The following RETREG3 variants were observed in gnomAD, a reference collection of about 807,000 sequenced individuals.
The protein encoded by RETREG3 is reticulophagy regulator family member 3.
In RETREG3, 23 loss-of-function variants were observed where a neutral mutation model predicts 50.2. That is an observed-to-expected ratio of 0.46 (90% CI 0.33 to 0.65). The LOEUF is 0.65. RETREG3 is among the 30% of genes least tolerant of loss of function. RETREG3 has a pLI of 0.02. For missense variants in RETREG3, 546 were observed against 598.0 expected, an observed-to-expected ratio of 0.91 and a Z score of 0.91; for synonymous variants, 240 against 234.4, an observed-to-expected ratio of 1.02 and a Z score of -0.22.
intron 1 of RETREG3, among the ~76,000 whole-genome samples, chr17:42,603,835 G>C (rs1365731803): frequency 6.6e-6 from 1 of 152,172 alleles, no homozygotes; most frequent in Non-Finnish European, 1.5e-5. Flanking sequence ...AAATTAGGTG[G>C]GCATGGTGGC....
intron 1 of RETREG3, among the ~76,000 whole-genome samples, chr17:42,604,932 T>C (rs1284455796): frequency 6.6e-6 from 1 of 152,030 alleles, no homozygotes; most frequent in African/African-American, 2.4e-5. Context: ...AAATCACTCA[T>C]TCACAGATGA....
At chr17:42,598,693 T>C (rs1244749639) in intron 1 of RETREG3, 1 of 152,206 alleles carries the variant, frequency 6.6e-6, no homozygotes, top group East Asian at 1.9e-4. Context: ...TTCCTGTTTG[T>C]TATTATTACC....
intron 3 of RETREG3, 179 bp downstream of exon 3, chr17:42,587,655 A>T: frequency 1.5e-6 from 1 of 669,582 alleles, no homozygotes; most frequent in Non-Finnish European, 2.6e-6. Context: ...ATCAGAGGAC[A>T]CAGGCCATCT....
At chr17:42,585,887 G>A (rs755744664) in intron 5 of RETREG3, among the ~76,000 whole-genome samples, 166 bp downstream of exon 5, 10 of 152,030 alleles carry the variant, frequency 6.6e-5, no homozygotes, top group Non-Finnish European at 1.5e-4. Flanking sequence ...TGGAGAGCCT[G>A]CTAAAGAAGG....
In RETREG3 at chr17:42,582,720, T is replaced by C. The variant is rs1414832419; in HGVS notation, c.897A>G (p.Thr299=). ...GTGTTTGGCCCCTTGAAAGATTGAA[T>C]GTGCCATTGTCTGTACAGGAGACTT... is the stretch of plus-strand genomic sequence containing the variant. ...DAEVSCTDNG[T]FNLSRGQTPL... Residue 299 remains threonine, a synonymous_variant, in exon 8 of 9, where the codon ACA becomes ACG. Coordinates refer to ENST00000309428, the MANE Select transcript of RETREG3 (RefSeq NM_178126.4). 8.7e-6 allele frequency: 14 copies of C among 1,614,252 alleles called. No homozygotes were observed. The highest frequency in any genetic ancestry group is 1.2e-5 in the Non-Finnish European group (14 of 1,180,046).
In RETREG3 at chr17:42,584,981, A is replaced by G. The variant is rs550662831; in HGVS notation, c.727+144T>C. 2.0e-5 allele frequency: 20 copies of G among 975,976 alleles called. No individual in the cohort carries two copies. The African/African-American group carries it at 2.6e-4, about 13-fold the overall frequency. 60.5% of individuals were successfully genotyped at this position (975,976 alleles called of 1,614,324 possible). ...CCTGCACAGGTTTCCCTAGAACAGA[A>G]TATCATTTTTACCTATCAATCCTCA... On this transcript the variant is annotated intron_variant, in intron 6 of 8. Transcript: ENST00000309428.
intron 1 of RETREG3, among the ~76,000 whole-genome samples, chr17:42,595,405 T>C (rs1422033758): frequency 6.8e-6 from 1 of 147,542 alleles, no homozygotes; most frequent in African/African-American, 2.5e-5. Flanking sequence ...ACTCTGGCCC[T>C]TTTTTTTTTC....
intron 1 of RETREG3, among the ~76,000 whole-genome samples, chr17:42,607,489 G>C (rs1447561542): frequency 3.2e-5 from 3 of 94,476 alleles, no homozygotes; most frequent in African/African-American, 1.2e-4. Context: ...GATAGAGCAA[G>C]ACCTTGTCTC....
chr17:42,584,623 A>C (rs2093117229), intron 6 of RETREG3, among the ~76,000 whole-genome samples: 1 of 152,098 alleles, frequency 6.6e-6, no homozygotes, highest in African/African-American at 2.4e-5. Context: ...CAGCCTGGGC[A>C]ACATGAGACC....
In RETREG3 at chr17:42,594,963, C is replaced by CCT. The variant is rs1555629522; in HGVS notation, c.240-2802_240-2801insAG. ...TTTTGTTTGTAGATTTTTTTTTTTA[C>CCT]TTTTTTTTTTTTTTTTTTTTGAGAC... On this transcript the variant is annotated intron_variant, in intron 1 of 8. Coordinates refer to ENST00000309428, the MANE Select transcript of RETREG3 (RefSeq NM_178126.4). Among the ~76,000 whole-genome samples, 366 of 125,228 alleles carry CCT rather than the reference C, an allele frequency of 2.9e-3. 5 individuals are homozygous for CCT. Among genetic ancestry groups the CCT allele is most frequent in the African/African-American group, 0.011 (357 of 33,250 alleles). The allele number at this position is 125,228 out of a possible 152,430, so 82.2% of individuals were successfully genotyped here.
chr17:42,585,153 G>A lies in RETREG3; in HGVS notation c.699C>T (p.Tyr233=). Residue 233 remains tyrosine (Y), a synonymous_variant, in exon 6 of 9, where the codon TAC becomes TAT. Transcript: ENST00000309428. ...LQRLDFSVRG[Y]MMSKQRERQL... is the part of the protein sequence containing the mutation. ...GTCTCTCTCTCTGCTTGGACATCAT[G>A]TAGCCACGGACACTGAAGTCTAGCC... 6.2e-7 allele frequency: 1 copy of A among 1,613,530 alleles called. No individual in the cohort carries two copies. Among genetic ancestry groups the A allele is most frequent in the East Asian group, 2.2e-5 (1 of 44,876 alleles).
chr17:42,596,228 CA>C (rs2093144166), intron 1 of RETREG3, among the ~76,000 whole-genome samples: 1 of 150,716 alleles, frequency 6.6e-6, no homozygotes, highest in African/African-American at 2.4e-5. Context: ...AAAAATTAGC[CA>C]GGTATGGTGA....
intron 1 of RETREG3, among the ~76,000 whole-genome samples, chr17:42,606,180 T>C (rs2093167543): frequency 6.6e-6 from 1 of 152,032 alleles, no homozygotes; most frequent in East Asian, 1.9e-4. Context: ...CAAAAGGGGT[T>C]CTAAGTGAGC....
chr17:42,586,696 A>T, intron 4 of RETREG3, 69 bp downstream of exon 4: 2 of 1,560,330 alleles, frequency 1.3e-6, no homozygotes, highest in Non-Finnish European at 1.7e-6. Context: ...ATAGTAAAGG[A>T]GCTGTTTCAG....
rs35248732 is a variant in RETREG3, at chr17:42,581,365, C to CAA, written c.*446_*447dup. Reference sequence around the variant, plus strand: ...CCTGGGCAACAGAGCGAAACTGTCTCAAAAAAAAAGATGATGACAATGTAA... The same window carrying CAA: ...CCTGGGCAACAGAGCGAAACTGTCTCAAAAAAAAAAAGATGATGACAATGTAA... On this transcript the variant is annotated 3_prime_UTR_variant, in exon 9 of 9. Transcript: ENST00000309428. The CAA allele has an allele frequency of 6.4e-6, 1 of 155,702 alleles. No individual in the cohort carries two copies. 9.6% of individuals were successfully genotyped at this position (155,702 alleles called of 1,614,324 possible).
chr17:42,586,239 C>G, intron 4 of RETREG3, 102 bp from the exon 5 acceptor site: 1 of 1,062,488 alleles, frequency 9.4e-7, no homozygotes, highest in Non-Finnish European at 1.4e-6. Context: ...CTCTGTAAGT[C>G]AAGCATGGAC....
At position 42,589,291 on chromosome 17, in the gene RETREG3, ACCTG is replaced by A. The variant is rs149046640; in HGVS notation, c.347-1431_347-1428del. Among the ~76,000 whole-genome samples, 404 of 152,288 alleles carry A rather than the reference ACCTG, an allele frequency of 2.7e-3. 1 individual carries two copies. Among genetic ancestry groups the A allele is most frequent in the African/African-American group, 9.2e-3 (381 of 41,544 alleles). The stretch of plus-strand genomic sequence containing the variant: ...ATATCTTGCCAACACTTCAAAATTA[ACCTG>A]CCTAAAATCTACATCAGTTTTCCTC... On this transcript the variant is annotated intron_variant, in intron 2 of 8. Transcript: ENST00000309428.
chr17:42,599,810 T>A (rs1426375747), intron 1 of RETREG3, among the ~76,000 whole-genome samples: 1 of 151,830 alleles, frequency 6.6e-6, no homozygotes, highest in Non-Finnish European at 1.5e-5. Flanking sequence ...CTGGCCAACA[T>A]GGCGAAACCC....
At chr17:42,588,206 A>T (rs1219218322) in intron 2 of RETREG3, among the ~76,000 whole-genome samples, 3 of 152,192 alleles carry the variant, frequency 2.0e-5, no homozygotes, top group African/African-American at 7.2e-5. Context: ...AATCTGTGCC[A>T]GGCTACACAA....
Sources: gnomAD v4.1 joint callset for allele counts (sites outside exome capture counted in the v4.1 genomes callset) on GRCh38, gnomAD v4.1.1 for gene constraint, MANE v1.5 for transcripts, NCBI Gene and HGNC (gene_info 2026-07-23, HGNC 2026-07-21) for gene names.